NELL2: variants seen among roughly 807,000 people sequenced by gnomAD.
The protein encoded by NELL2 is protein kinase C-binding protein NELL2.
A neutral mutation model predicts 109.6 loss-of-function variants in NELL2; 41 were observed. The observed-to-expected ratio is 0.37, with a 90% confidence interval of 0.29 to 0.49. The LOEUF (loss-of-function observed/expected upper bound fraction) is 0.49. NELL2 is among the 20% of genes least tolerant of loss of function. The pLI is 0.98. For missense variants in NELL2, 900 were observed against 1,008.3 expected (o/e 0.89, Z 1.45); for synonymous variants, 355 against 344.7 (o/e 1.03, Z -0.33).
chr12:44,884,063 T>C (rs1315879739), intron 1 of NELL2, among the ~76,000 whole-genome samples: 1 of 151,762 alleles, frequency 6.6e-6, no homozygotes, highest in African/African-American at 2.4e-5. Flanking sequence ...TCCCACTATA[T>C]GTTATTAAAA....
At chr12:44,788,022 C>T (rs913155477) in intron 3 of NELL2, among the ~76,000 whole-genome samples, 4 of 152,034 alleles carry the variant, frequency 2.6e-5, no homozygotes, top group African/African-American at 9.7e-5. Context: ...AAAAGACATG[C>T]TACAGTTTGG....
At chr12:44,630,125 G>A (rs931490610) in intron 13 of NELL2, among the ~76,000 whole-genome samples, 40 of 152,236 alleles carry the variant, frequency 2.6e-4, no homozygotes, top group African/African-American at 8.9e-4. Flanking sequence ...GTATAATTAA[G>A]AAGACTTGAT....
rs1435578983 is a variant in NELL2 at position 44,791,134 on chromosome 12, T to C, written c.336-11112A>G. Among the ~76,000 whole-genome samples the C allele has an allele frequency of 1.6e-3, 127 of 81,410 alleles. 2 individuals are homozygous for C. The highest frequency in any genetic ancestry group is 7.6e-3 in the South Asian group (20 of 2,636). The allele number at this position is 81,410 out of a possible 152,430, so 53.4% of individuals were successfully genotyped here. A position where few individuals can be genotyped will look rare whatever the true frequency, so the allele number is the denominator to read the frequency against. On this transcript the variant is annotated intron_variant, in intron 3 of 19. Transcript: ENST00000429094. ...GTATATATATATGTATATATATATA[T>C]ACACACGCACACACATACACACACA...
intron 3 of NELL2, among the ~76,000 whole-genome samples, chr12:44,796,539 G>A (rs1023025327): frequency 2.0e-5 from 3 of 151,840 alleles, no homozygotes; most frequent in Non-Finnish European, 4.4e-5. Flanking sequence ...ATTTACTATG[G>A]TACTGAGAAT....
At chr12:44,827,730 T>A (rs1943760746) in intron 2 of NELL2, among the ~76,000 whole-genome samples, 1 of 152,192 alleles carries the variant, frequency 6.6e-6, no homozygotes, top group African/African-American at 2.4e-5. Flanking sequence ...ACATTTTGGT[T>A]GCTTTCAAAT....
intron 3 of NELL2, among the ~76,000 whole-genome samples, chr12:44,807,744 T>C (rs1458549654): frequency 6.6e-6 from 1 of 152,012 alleles, no homozygotes; most frequent in Non-Finnish European, 1.5e-5. Flanking sequence ...GGGCCAATTA[T>C]TTCCAATGAA....
At chr12:44,746,519 G>A (rs1005326615) in intron 9 of NELL2, among the ~76,000 whole-genome samples, 5 of 152,108 alleles carry the variant, frequency 3.3e-5, no homozygotes, top group Admixed American at 1.3e-4. Context: ...GCAACCTACA[G>A]AATGGGAGAA....
At position 44,899,067 on chromosome 12, in the gene NELL2, G is replaced by GAA. The variant is rs548712073; in HGVS notation, c.38+14730_38+14731dup. ...AAAACAAGATTAGAGAAAAAAGAAT[G>GAA]AAAAAAAAACAAAAAAAACAAAGCC... On this transcript the variant is annotated intron_variant, in intron 1 of 20. Transcript: ENST00000333837. 7.4e-3 allele frequency among the ~76,000 whole-genome samples: 1,084 copies of GAA among 146,494 alleles called. 17 individuals carry two copies. The highest frequency in any genetic ancestry group is 0.048 in the East Asian group (240 of 5,020).
intron 13 of NELL2, among the ~76,000 whole-genome samples, chr12:44,633,322 G>A (rs1946522251): frequency 6.6e-6 from 1 of 152,068 alleles, no homozygotes; most frequent in South Asian, 2.1e-4. Flanking sequence ...AAGTGCTAGA[G>A]AAGCACAGCG....
chr12:44,587,284 A>AAAAAAAAAAAAAAAAAATATATAT, intron 15 of NELL2, among the ~76,000 whole-genome samples: 31 of 72,184 alleles, frequency 4.3e-4, no homozygotes, highest in African/African-American at 1.3e-3. Flanking sequence ...AAAAAAAAAA[A>AAAAAAAAAAAAAAAAAATATATAT]ATATATATAT....
chr12:44,559,024 T>C (rs1478857095), intron 15 of NELL2, among the ~76,000 whole-genome samples: 6 of 152,176 alleles, frequency 3.9e-5, no homozygotes, highest in African/African-American at 4.8e-5. Flanking sequence ...CTTGAGTAGA[T>C]GGTTTTCCCG....
chr12:44,764,294 A>G (rs1364243390), intron 9 of NELL2, among the ~76,000 whole-genome samples: 1 of 152,166 alleles, frequency 6.6e-6, no homozygotes, highest in Non-Finnish European at 1.5e-5. Flanking sequence ...TGCTTTTGAA[A>G]TTTCTCTTCC....
At chr12:44,794,574 C>T (rs533036627) in intron 3 of NELL2, among the ~76,000 whole-genome samples, 246 of 152,242 alleles carry the variant, frequency 1.6e-3, no homozygotes, top group South Asian at 0.014. Flanking sequence ...GGGTACTTCT[C>T]GTTATTTCCT....
At chr12:44,800,176 A>T (rs1258155391) in intron 3 of NELL2, among the ~76,000 whole-genome samples, 1 of 152,168 alleles carries the variant, frequency 6.6e-6, no homozygotes. Context: ...AATATGGTAA[A>T]TAAGCACATT....
At chr12:44,604,593 G>T (rs186276977) in intron 15 of NELL2, among the ~76,000 whole-genome samples, 61 of 152,210 alleles carry the variant, frequency 4.0e-4, no homozygotes, top group African/African-American at 1.4e-3. Context: ...GTTTCGTGAT[G>T]ATACAAAAGC....
rs990876930 is a variant in NELL2 at position 44,735,968 on chromosome 12, T to A, written c.995-21227A>T. On this transcript the variant is annotated intron_variant, in intron 9 of 19. Transcript: ENST00000429094. The stretch of plus-strand genomic sequence containing the variant: ...AGTTCAGGTTAATAAGTAATAAAAA[T>A]GTAAGTCAATTAAAATTAAAAACAA... Among the ~76,000 whole-genome samples the A allele has an allele frequency of 4.0e-5, 6 of 151,288 alleles. No homozygotes were observed. The East Asian group carries it at 1.2e-3, about 29-fold the overall frequency.
At chr12:44,566,703 T>G (rs1943673320) in intron 15 of NELL2, among the ~76,000 whole-genome samples, 1 of 152,184 alleles carries the variant, frequency 6.6e-6, no homozygotes, top group South Asian at 2.1e-4. Flanking sequence ...CTAAGACAAA[T>G]TTGCTAACTT....
intron 15 of NELL2, among the ~76,000 whole-genome samples, chr12:44,540,781 C>CAAAAAACAAAAAAAAAAAAAA (rs1942519025): frequency 2.0e-5 from 1 of 49,750 alleles, no homozygotes; most frequent in Non-Finnish European, 3.4e-5. Context: ...GTCTGCAAGC[C>CAAAAAACAAAAAAAAAAAAAA]AAAAAAAAAA....
intron 13 of NELL2, among the ~76,000 whole-genome samples, chr12:44,641,374 T>G (rs1946847428): frequency 6.6e-6 from 1 of 152,118 alleles, no homozygotes; most frequent in African/African-American, 2.4e-5. Context: ...TACAAATGGA[T>G]ATGGACAAAG....
Sources: allele counts gnomAD v4.1 joint callset (sites outside exome capture counted in the v4.1 genomes callset), GRCh38; gene constraint gnomAD v4.1.1; transcripts MANE v1.5; gene names NCBI Gene and HGNC (gene_info 2026-07-23, HGNC 2026-07-21).